BTC: variants seen among roughly 807,000 people sequenced by gnomAD.
BTC encodes the protein betacellulin, also known as probetacellulin.
BTC carries 13 observed loss-of-function variants against 18.1 expected under a neutral mutation model. The ratio of observed to expected loss-of-function variants is 0.72; its 90% CI spans 0.47 to 1.14. The LOEUF (loss-of-function observed/expected upper bound fraction) is 1.14. Among genes scored for constraint, BTC ranks in the 50% most tolerant of loss-of-function variants. The probability of loss-of-function intolerance (pLI) is 0.00; values close to 1 mark genes in which losing one functional copy is unlikely to be tolerated. For missense variants in BTC, 247 were observed against 224.2 expected, an observed-to-expected ratio of 1.10 and a Z score of -0.65; for synonymous variants, 83 against 79.4, an observed-to-expected ratio of 1.05 and a Z score of -0.24.
intron 1 of BTC, 107 bp from the exon 2 acceptor site, chr4:74,770,263 A>G (rs1176877393): frequency 2.3e-6 from 2 of 865,108 alleles, no homozygotes; most frequent in Non-Finnish European, 3.6e-6. Flanking sequence ...TAACAAGACT[A>G]TGGTTTCCAT....
Position 74,793,078 on chromosome 4 carries a change from G to A in BTC, c.64+1184C>T, listed in dbSNP as rs891593268. On this transcript the variant is annotated intron_variant, in intron 1 of 5. Transcript: ENST00000395743. ...GGAAGAGAATGTCAGCTACTTGCAA[G>A]CAATGCTGGCAAAAGCATCAGTACT... Among the ~76,000 whole-genome samples the A allele has an allele frequency of 5.9e-5, 9 of 152,222 alleles. 1 individual carries two copies. The highest frequency in any genetic ancestry group is 5.9e-4 in the Admixed American group (9 of 15,280).
rs1272450977 is a variant in BTC at position 74,769,658 on chromosome 4, A to G, written c.163+400T>C. 3.9e-5 allele frequency among the ~76,000 whole-genome samples: 6 copies of G among 152,174 alleles called. 1 individual carries two copies. Among genetic ancestry groups the G allele is most frequent in the African/African-American group, 9.7e-5 (4 of 41,450 alleles). On this transcript the variant is annotated intron_variant, in intron 2 of 5. Transcript: ENST00000395743. ...TTTAACTATGAAATAGAAAAGAAAA[A>G]AAGAATTTAACTTTGGGTAGAATAT...
intron 1 of BTC, among the ~76,000 whole-genome samples, chr4:74,774,592 A>T (rs1458138005): frequency 3.0e-5 from 3 of 99,636 alleles, no homozygotes; most frequent in South Asian, 3.3e-4. Flanking sequence ...GGCATTCTTT[A>T]AAAAAAAAAA....
intron 1 of BTC, among the ~76,000 whole-genome samples, chr4:74,785,275 C>G (rs1249212626): frequency 2.0e-5 from 3 of 152,062 alleles, no homozygotes; most frequent in African/African-American, 7.2e-5. Context: ...GTGATATCCC[C>G]CTTATCATTT....
chr4:74,749,530 T>C (rs1186932115), intron 4 of BTC, among the ~76,000 whole-genome samples: 2 of 144,318 alleles, frequency 1.4e-5, no homozygotes, highest in Non-Finnish European at 3.0e-5. Flanking sequence ...AAAGACTCCC[T>C]CTACCGTAGT....
Position 74,750,684 on chromosome 4 carries a change from C to G in BTC, c.317G>C (p.Arg106Thr), listed in dbSNP as rs782142077. Residue 106 changes from arginine (R) to threonine (T), a missense_variant, in exon 4 of 6, where the codon AGA (arginine) becomes ACA (threonine). Physicochemically the swap from Arg to Thr is moderately conservative, Grantham distance 71. Coordinates refer to ENST00000395743, the MANE Select transcript of BTC (RefSeq NM_001729.4). Reference protein sequence around the residue: ...DEGYIGARCERVDLFYLRGDR... With the variant: ...DEGYIGARCETVDLFYLRGDR... ...TCCTCTTAGGTAAAACAAGTCAACT[C>G]TCTCACACCTTGCTCCAATGTAGCC... The G allele has an allele frequency of 4.3e-6, 7 of 1,613,832 alleles. No homozygotes were observed. The highest frequency in any genetic ancestry group is 3.3e-5 in the South Asian group (3 of 91,044).
At chr4:74,775,150 G>T (rs369703224) in intron 1 of BTC, among the ~76,000 whole-genome samples, 111 of 152,260 alleles carry the variant, frequency 7.3e-4, no homozygotes, top group African/African-American at 2.5e-3. Flanking sequence ...CATCTAGAGG[G>T]CAGTAGATGA....
intron 1 of BTC, among the ~76,000 whole-genome samples, chr4:74,782,902 G>A (rs76726789): frequency 0.14 from 21,154 of 152,054 alleles, 2,076 homozygotes; most frequent in African/African-American, 0.27. Context: ...TATGTCTTTC[G>A]AGAAGTGCCT....
chr4:74,783,508 C>CAGTGTAGT (rs1725392922), intron 1 of BTC, among the ~76,000 whole-genome samples: 1 of 149,922 alleles, frequency 6.7e-6, no homozygotes, highest in South Asian at 2.1e-4. Context: ...GGTAGCCCTG[C>CAGTGTAGT]AGTGTAGTTT....
intron 2 of BTC, among the ~76,000 whole-genome samples, chr4:74,765,911 G>A (rs542279773): frequency 1.3e-5 from 2 of 152,152 alleles, no homozygotes; most frequent in East Asian, 1.9e-4. Context: ...ATCATAGAGT[G>A]TACTTACACA....
intron 3 of BTC, among the ~76,000 whole-genome samples, chr4:74,751,502 C>T (rs912608772): frequency 6.6e-6 from 1 of 152,208 alleles, no homozygotes; most frequent in South Asian, 2.1e-4. Flanking sequence ...TTTCCATGGC[C>T]TTCTTCAAGG....
intron 3 of BTC, among the ~76,000 whole-genome samples, chr4:74,754,938 A>AACACACACAC (rs33972204): frequency 0.03 from 4,557 of 149,990 alleles, 94 homozygotes; most frequent in Admixed American, 0.038. Flanking sequence ...TATCCCTCTC[A>AACACACACAC]ACACACACAC....
intron 4 of BTC, among the ~76,000 whole-genome samples, chr4:74,749,505 A>AATAAATAAATAAATAAATAC (rs1724392585): frequency 6.7e-6 from 1 of 150,260 alleles, no homozygotes; most frequent in African/African-American, 2.4e-5. Context: ...TAAATAAATA[A>AATAAATAAATAAATAAATAC]ATAAATAAAT....
chr4:74,766,040 GTATTTT>G (rs1473750406), intron 2 of BTC, among the ~76,000 whole-genome samples: 2 of 151,948 alleles, frequency 1.3e-5, no homozygotes, highest in Admixed American at 6.6e-5. Flanking sequence ...TAACATAATA[GTATTTT>G]TATATCTAAA....
chr4:74,792,070 G>A (rs1190680526), intron 1 of BTC, among the ~76,000 whole-genome samples: 6 of 151,836 alleles, frequency 4.0e-5, no homozygotes, highest in Admixed American at 3.3e-4. Flanking sequence ...AGAACAACAT[G>A]TGACATAATT....
intron 1 of BTC, 70 bp downstream of exon 1, chr4:74,794,192 G>A (rs1455642814): frequency 1.5e-5 from 23 of 1,535,844 alleles, no homozygotes; most frequent in Non-Finnish European, 2.0e-5. Context: ...CTCGGTTCAG[G>A]GTTCGCCCTC....
chr4:74,793,762 A>G (rs1442240717), intron 1 of BTC, among the ~76,000 whole-genome samples: 1 of 152,046 alleles, frequency 6.6e-6, no homozygotes, highest in Admixed American at 6.5e-5. Context: ...ACTCTTCCCT[A>G]ACGCCAGGTG....
chr4:74,771,124 G>T (rs755083773), intron 1 of BTC, among the ~76,000 whole-genome samples: 1 of 151,894 alleles, frequency 6.6e-6, no homozygotes, highest in Non-Finnish European at 1.5e-5. Context: ...TCTCTGGTTC[G>T]TATATGTTTA....
intron 1 of BTC, among the ~76,000 whole-genome samples, chr4:74,792,384 A>G (rs1462259116): frequency 6.6e-6 from 1 of 152,180 alleles, no homozygotes; most frequent in Non-Finnish European, 1.5e-5. Context: ...CATTTCTACT[A>G]TGACACCTCT....
Sources: allele counts gnomAD v4.1 joint callset (sites outside exome capture counted in the v4.1 genomes callset), GRCh38; gene constraint gnomAD v4.1.1; transcripts MANE v1.5; gene names NCBI Gene and HGNC (gene_info 2026-07-23, HGNC 2026-07-21).